The following AGBL1 variants were observed in gnomAD, a reference collection of about 807,000 sequenced individuals.
AGBL1 encodes the protein cytosolic carboxypeptidase 4.
Under a neutral mutation model 118.9 loss-of-function variants are expected in AGBL1, and 130 were observed. The observed-to-expected ratio is 1.09, with a 90% CI of 0.95 to 1.26. AGBL1 has a LOEUF of 1.26. Among genes scored for constraint, AGBL1 ranks in the 50% most tolerant of loss-of-function variants. The probability of loss-of-function intolerance (pLI) is 0.00; values close to 1 mark genes in which losing one functional copy is unlikely to be tolerated. For missense variants in AGBL1, 1,584 were observed against 1,298.1 expected, an observed-to-expected ratio of 1.22 and a Z score of -3.38; for synonymous variants, 555 against 478.9, an observed-to-expected ratio of 1.16 and a Z score of -2.08.
chr15:86,939,177 A>G (rs1465080661), intron 23 of AGBL1: 1 of 152,600 alleles, frequency 6.6e-6, no homozygotes, highest in Non-Finnish European at 1.5e-5. Flanking sequence ...GGGTATTGCC[A>G]AAGGAGATTA....
At chr15:86,328,163 A>G (rs1225956384) in intron 17 of AGBL1, among the ~76,000 whole-genome samples, 2 of 152,180 alleles carry the variant, frequency 1.3e-5, no homozygotes, top group African/African-American at 4.8e-5. Context: ...GCTTCCCCCA[A>G]CTATAAAACT....
At chr15:86,217,470 A>G (rs1305888004) in intron 5 of AGBL1, among the ~76,000 whole-genome samples, 1 of 152,254 alleles carries the variant, frequency 6.6e-6, no homozygotes, top group African/African-American at 2.4e-5. Context: ...GGAGACAGAA[A>G]TTAATAAAAC....
At position 86,530,717 on chromosome 15, in the gene AGBL1, C is replaced by G. The variant is rs929640405; in HGVS notation, c.2685+7778C>G. Among the ~76,000 whole-genome samples the G allele has an allele frequency of 1.1e-3, 166 of 149,208 alleles. 2 individuals are homozygous for G. The highest frequency in any genetic ancestry group is 4.0e-3 in the African/African-American group (159 of 40,174). On this transcript the variant is annotated intron_variant, in intron 19 of 22. Coordinates refer to ENST00000614907, the MANE Select transcript of AGBL1 (RefSeq NM_001386094.1). ...TGACCACATAGTTGGAAGTAAAGTT[C>G]TCCTCAGCAAATGTAAAAGAAGACA...
chr15:86,807,877 T>C lies in AGBL1; in HGVS notation c.3159-99210T>C, dbSNP rs139752803. Among the ~76,000 whole-genome samples the C allele has an allele frequency of 5.3e-3, 806 of 152,282 alleles. 3 individuals are homozygous for C. Among genetic ancestry groups the C allele is most frequent in the Non-Finnish European group, 8.2e-3 (559 of 68,020 alleles). ...GATAATTGAAGTAAAACAAGTGTTA[T>C]AGCTGCTATGTTCCACCCATTCCAC... On this transcript the variant is annotated intron_variant, in intron 22 of 22. Transcript: ENST00000614907.
At chr15:86,832,301 C>T (rs1469966144) in intron 22 of AGBL1, among the ~76,000 whole-genome samples, 1 of 152,190 alleles carries the variant, frequency 6.6e-6, no homozygotes, top group Non-Finnish European at 1.5e-5. Context: ...GCTTGAATTT[C>T]TTCTCAGAAA....
chr15:86,378,366 G>A (rs1189600057), intron 17 of AGBL1, among the ~76,000 whole-genome samples: 1 of 152,036 alleles, frequency 6.6e-6, no homozygotes, highest in Non-Finnish European at 1.5e-5. Flanking sequence ...CTGTGTCAGT[G>A]GAAATTTTTT....
rs888487286 is a variant in AGBL1, at chr15:86,092,519, A to G, written c.51+12496A>G. Among the ~76,000 whole-genome samples, 16 of 152,304 alleles carry G rather than the reference A, an allele frequency of 1.1e-4. No homozygotes were observed. In the East Asian group the frequency reaches 3.1e-3, roughly 29 times the overall value. ...TAAAAATCAATGTTCTAATGATAAA[A>G]TGAGCTTGTAATGGATTGAAGTCAA... On this transcript the variant is annotated intron_variant, in intron 1 of 22. Transcript: ENST00000614907.
chr15:86,717,876 G>T (rs546794610), intron 22 of AGBL1, among the ~76,000 whole-genome samples: 1 of 152,044 alleles, frequency 6.6e-6, no homozygotes, highest in Non-Finnish European at 1.5e-5. Flanking sequence ...TTAGGAGTTC[G>T]AGACCAGCCT....
chr15:86,770,288 T>C (rs1166118500), intron 22 of AGBL1, among the ~76,000 whole-genome samples: 1 of 151,900 alleles, frequency 6.6e-6, no homozygotes, highest in Non-Finnish European at 1.5e-5. Context: ...ACTATCACAG[T>C]GCAGTGGTCC....
intron 18 of AGBL1, among the ~76,000 whole-genome samples, chr15:86,459,126 T>C (rs1188817723): frequency 6.6e-6 from 1 of 152,174 alleles, no homozygotes; most frequent in Non-Finnish European, 1.5e-5. Flanking sequence ...CGTGTTGACA[T>C]GGAGCATGTG....
rs545829932 is a variant in AGBL1, at chr15:86,154,967, A to G, written c.394+406A>G. Among the ~76,000 whole-genome samples the G allele has an allele frequency of 1.2e-4, 19 of 152,210 alleles. 1 individual carries two copies. The highest frequency in any genetic ancestry group is 4.3e-4 in the African/African-American group (18 of 41,536). ...CTCACATCACAAATCTCCCTACCATATTCCTGAAATTACTCATTGATTACA... is the reference window on the plus strand; with the variant it reads ...CTCACATCACAAATCTCCCTACCATGTTCCTGAAATTACTCATTGATTACA... On this transcript the variant is annotated intron_variant, in intron 4 of 22. Transcript: ENST00000614907.
At chr15:86,816,722 C>G (rs2141377825) in intron 22 of AGBL1, among the ~76,000 whole-genome samples, 1 of 152,218 alleles carries the variant, frequency 6.6e-6, no homozygotes, top group South Asian at 2.1e-4. Flanking sequence ...AGACTTGGCA[C>G]AACTGGGAAA....
chr15:86,330,525 C>T (rs527843533), intron 17 of AGBL1, among the ~76,000 whole-genome samples: 3 of 152,284 alleles, frequency 2.0e-5, no homozygotes, highest in Admixed American at 2.0e-4. Context: ...GTGCCAGCAT[C>T]CCCAGATGAG....
chr15:86,367,593 GA>G lies in AGBL1; in HGVS notation c.2375-29762del, dbSNP rs112995350. Reference sequence around the variant, plus strand: ...GAAAGTAGGGAAGCAATTGTTAACTGAAAAAAAAAAAGTTTCTTTTACCAGA... The same window carrying G: ...GAAAGTAGGGAAGCAATTGTTAACTGAAAAAAAAAAGTTTCTTTTACCAGA... On this transcript the variant is annotated intron_variant, in intron 17 of 22. Coordinates refer to ENST00000614907, the MANE Select transcript of AGBL1 (RefSeq NM_001386094.1). Among the ~76,000 whole-genome samples the G allele has an allele frequency of 1.6e-3, 225 of 143,404 alleles. 4 individuals carry two copies. The East Asian group carries it at 0.019, about 12-fold the overall frequency. 94.1% of individuals were successfully genotyped at this position (143,404 alleles called of 152,430 possible). A position where few individuals can be genotyped will look rare whatever the true frequency, so the allele number is the denominator to read the frequency against.
chr15:86,707,106 A>G (rs1012604787), intron 22 of AGBL1, among the ~76,000 whole-genome samples: 3 of 152,128 alleles, frequency 2.0e-5, no homozygotes, highest in Non-Finnish European at 4.4e-5. Flanking sequence ...TAGTTTTGCT[A>G]GCTATGTGCT....
rs543262286 is a variant in AGBL1, at chr15:86,682,622, G to C, written c.3158+8186G>C. Among the ~76,000 whole-genome samples, 8 of 151,980 alleles carry C rather than the reference G, an allele frequency of 5.3e-5. No individual in the cohort carries two copies. The South Asian group carries it at 1.5e-3, about 28-fold the overall frequency. ...TCAAGACAATAAACATAACAGAAAA[G>C]AATATTTATTATGCACATATTTATA... On this transcript the variant is annotated intron_variant, in intron 22 of 22. Coordinates refer to ENST00000614907, the MANE Select transcript of AGBL1 (RefSeq NM_001386094.1).
At chr15:86,230,916 A>G (rs1420750315) in intron 6 of AGBL1, among the ~76,000 whole-genome samples, 11 of 152,174 alleles carry the variant, frequency 7.2e-5, no homozygotes, top group Non-Finnish European at 1.5e-4. Context: ...CACAAAAAAC[A>G]GGGCTCCTGT....
chr15:86,793,253 A>T (rs916504497), intron 22 of AGBL1, among the ~76,000 whole-genome samples: 1 of 152,226 alleles, frequency 6.6e-6, no homozygotes, highest in Non-Finnish European at 1.5e-5. Context: ...TAACTTGACC[A>T]AAAGAATATT....
chr15:86,935,852 T>C (rs72754074), intron 23 of AGBL1, among the ~76,000 whole-genome samples: 5,940 of 152,334 alleles, frequency 0.039, 158 homozygotes, highest in Middle Eastern at 0.071. Flanking sequence ...CCTGTAAAAA[T>C]GGCATTTCAA....
Sources: gnomAD v4.1 joint callset for allele counts (sites outside exome capture counted in the v4.1 genomes callset) on GRCh38, gnomAD v4.1.1 for gene constraint, MANE v1.5 for transcripts, NCBI Gene and HGNC (gene_info 2026-07-23, HGNC 2026-07-21) for gene names.